The following RIF1 variants were observed in gnomAD, a reference collection of about 807,000 sequenced individuals.
RIF1 encodes replication timing regulatory factor 1, also known as telomere-associated protein RIF1.
In RIF1, 45 loss-of-function variants were observed where a neutral mutation model predicts 247.1. The ratio of observed to expected loss-of-function variants is 0.18; its 90% CI spans 0.14 to 0.23. The LOEUF (loss-of-function observed/expected upper bound fraction) is 0.23, where lower values mean the gene tolerates loss of function less well. Among genes scored for constraint, RIF1 ranks in the 10% least tolerant of loss-of-function variants. The pLI is 1.00. For missense variants in RIF1, 2,967 were observed against 2,862.5 expected, an observed-to-expected ratio of 1.04 and a Z score of -0.83; for synonymous variants, 1,087 against 978.8, an observed-to-expected ratio of 1.11 and a Z score of -2.06.
chr2:151,412,651 G>C (rs551969531), intron 3 of RIF1, among the ~76,000 whole-genome samples: 61 of 151,950 alleles, frequency 4.0e-4, no homozygotes, highest in Non-Finnish European at 7.2e-4. Flanking sequence ...ACCACACCCA[G>C]CTAATATTTT....
chr2:151,449,704 T>G (rs567447033), intron 20 of RIF1, among the ~76,000 whole-genome samples: 1 of 152,248 alleles, frequency 6.6e-6, no homozygotes, highest in Admixed American at 6.5e-5. Context: ...GTAGTTTTAT[T>G]TTATTGATCA....
rs138147981 is a variant in RIF1, at chr2:151,442,048, T to TTTTTGTTTTATTTTA, written c.1734+61_1734+62insGTTTTATTTTATTTT. On this transcript the variant is annotated intron_variant, in intron 16 of 35. Coordinates refer to ENST00000444746, the MANE Select transcript of RIF1 (RefSeq NM_018151.5). ...TGGCCAAAAACATTTATACTTCCCTTTTTTATTTTATTTTATTTTATTTTA... is the reference window on the plus strand; with the variant it reads ...TGGCCAAAAACATTTATACTTCCCTTTTTTGTTTTATTTTATTTTATTTTATTTTATTTTATTTTA... 2.2e-4 allele frequency: 53 copies of TTTTTGTTTTATTTTA among 237,780 alleles called. 1 individual carries two copies. Among genetic ancestry groups the TTTTTGTTTTATTTTA allele is most frequent in the African/African-American group, 1.1e-3 (42 of 39,438 alleles). The allele number at this position is 237,780 out of a possible 1,614,324, so 14.7% of individuals were successfully genotyped here. A position where few individuals can be genotyped will look rare whatever the true frequency, so the allele number is the denominator to read the frequency against.
In RIF1 at chr2:151,490,490, C is replaced by T. The variant is rs2152778292; in HGVS notation, c.*416-4739C>T. The T allele has an allele frequency of 6.2e-7, 1 of 1,609,316 alleles. No homozygotes were observed. Among genetic ancestry groups the T allele is most frequent in the Non-Finnish European group, 8.5e-7 (1 of 1,177,904 alleles). ...TGCTTAGTGCACTGGCAGATCGTGA[C>T]TGCTCCCGGCTCCGGCGCTGAGCTT... On this transcript the variant is annotated intron_variant and NMD_transcript_variant, in intron 9 of 13. Transcript: ENST00000454583.
intron 9 of RIF1, among the ~76,000 whole-genome samples, chr2:151,488,936 T>C (rs1032941564): frequency 1.3e-5 from 2 of 152,044 alleles, no homozygotes; most frequent in Non-Finnish European, 2.9e-5. Context: ...CATATTTAAT[T>C]TTAATAGCTT....
intron 11 of RIF1, chr2:151,502,937 T>TAAGG: frequency 8.8e-7 from 1 of 1,133,672 alleles, no homozygotes; most frequent in Non-Finnish European, 1.3e-6. Flanking sequence ...GCACAGAGAG[T>TAAGG]AAGGAAGGAA....
At chr2:151,422,172 G>C (rs1027173535) in intron 7 of RIF1, among the ~76,000 whole-genome samples, 1 of 152,018 alleles carries the variant, frequency 6.6e-6, no homozygotes, top group African/African-American at 2.4e-5. Flanking sequence ...TTGCAACAAA[G>C]CATATATGAA....
At chr2:151,534,099 A>T in the RIF1 span, 1 of 776,182 alleles carries the variant, frequency 1.3e-6, no homozygotes, top group Non-Finnish European at 2.1e-6. Context: ...TTTGAAACAG[A>T]ACAACCCAAT....
chr2:151,410,095 C>G, intron 1 of RIF1, 62 bp downstream of exon 1: 1 of 696,622 alleles, frequency 1.4e-6, no homozygotes, highest in Non-Finnish European at 2.6e-6. Flanking sequence ...GCCCACCCTC[C>G]GCCCCCTCGC....
chr2:151,450,219 G>A (rs1694055563), intron 20 of RIF1, among the ~76,000 whole-genome samples: 1 of 151,908 alleles, frequency 6.6e-6, no homozygotes, highest in African/African-American at 2.4e-5. Flanking sequence ...ATTTTTTATG[G>A]ATATGTGTTG....
At chr2:151,531,673 C>A in the RIF1 span, 1 of 768,296 alleles carries the variant, frequency 1.3e-6, no homozygotes, top group Non-Finnish European at 2.3e-6. Flanking sequence ...TCTCGCACCC[C>A]TGCCTCCCTC....
rs1228520039 is a variant in RIF1, at chr2:151,479,052, G to T, written c.*3981G>T. The stretch of plus-strand genomic sequence containing the variant: ...TGAACAAGTGGATTCTGATTCAGTA[G>T]ATCTGCATTGGGCCCCGTGAGTCTT... On this transcript the variant is annotated 3_prime_UTR_variant, in exon 36 of 36. Coordinates refer to ENST00000444746, the MANE Select transcript of RIF1 (RefSeq NM_018151.5). 1.3e-5 allele frequency: 2 copies of T among 152,144 alleles called. No individual in the cohort carries two copies. Among genetic ancestry groups the T allele is most frequent in the South Asian group, 2.1e-4 (1 of 4,828 alleles). The allele number at this position is 152,144 out of a possible 1,614,324, so 9.4% of individuals were successfully genotyped here.
intron 16 of RIF1, among the ~76,000 whole-genome samples, chr2:151,442,862 C>T (rs919784431): frequency 1.4e-5 from 2 of 146,186 alleles, no homozygotes; most frequent in African/African-American, 2.5e-5. Flanking sequence ...ACCTAATTCT[C>T]CCGGTCTCAT....
In RIF1 at chr2:151,443,815, A is replaced by AT. The variant is rs543008408; in HGVS notation, c.1986+112dup. 5.5e-4 allele frequency: 358 copies of AT among 654,780 alleles called. 1 individual carries two copies. The African/African-American group carries it at 5.8e-3, about 11-fold the overall frequency. The allele number at this position is 654,780 out of a possible 1,614,324, so 40.6% of individuals were successfully genotyped here. A position where few individuals can be genotyped will look rare whatever the true frequency, so the allele number is the denominator to read the frequency against. On this transcript the variant is annotated intron_variant, in intron 18 of 35. Transcript: ENST00000444746. ...TGAATTTGAATAGAAGATGGTAAATATTTTTTCTGGTGGAATTGGTAAACG... is the reference window on the plus strand; with the variant it reads ...TGAATTTGAATAGAAGATGGTAAATATTTTTTTCTGGTGGAATTGGTAAACG...
At chr2:151,504,230 AT>A (rs576670286) in intron 12 of RIF1, among the ~76,000 whole-genome samples, 60 of 152,280 alleles carry the variant, frequency 3.9e-4, no homozygotes, top group African/African-American at 1.4e-3. Context: ...CCAGATTTTA[AT>A]TCTTAAAATC....
intron 9 of RIF1, chr2:151,490,101 T>A: frequency 2.6e-6 from 4 of 1,548,164 alleles, no homozygotes; most frequent in Non-Finnish European, 3.5e-6. Context: ...GGCAAATTCT[T>A]TATAAGAAGA....
At chr2:151,460,699 AAATAG>A (rs548907667) in intron 26 of RIF1, among the ~76,000 whole-genome samples, 84 of 152,322 alleles carry the variant, frequency 5.5e-4, no homozygotes, top group African/African-American at 1.9e-3. Flanking sequence ...TAGCAACTAT[AAATAG>A]AATTAAAGCA....
At chr2:151,449,152 C>T (rs1317580640) in intron 20 of RIF1, among the ~76,000 whole-genome samples, 1 of 152,146 alleles carries the variant, frequency 6.6e-6, no homozygotes, top group African/African-American at 2.4e-5. Flanking sequence ...CTCATACTTG[C>T]TTGTTGCTGA....
In RIF1 at chr2:151,459,982, T is replaced by G. The variant is rs1695874529; in HGVS notation, c.2956-18T>G. The G allele has an allele frequency of 2.0e-6, 3 of 1,510,914 alleles. No individual in the cohort carries two copies. Among genetic ancestry groups the G allele is most frequent in the Non-Finnish European group, 2.7e-6 (3 of 1,122,260 alleles). 93.6% of individuals were successfully genotyped at this position (1,510,914 alleles called of 1,614,324 possible). A position where few individuals can be genotyped will look rare whatever the true frequency, so the allele number is the denominator to read the frequency against. On this transcript the variant is annotated intron_variant, in intron 25 of 35. Coordinates refer to ENST00000444746, the MANE Select transcript of RIF1 (RefSeq NM_018151.5). ...TACCGTTCTATTTAATGAAATTGTT[T>G]CATTTTTAATAAAACAGACAGAAAA...
chr2:151,492,983 C>G (rs1365733454), intron 9 of RIF1: 8 of 219,978 alleles, frequency 3.6e-5, no homozygotes, highest in Admixed American at 5.5e-5. Flanking sequence ...CAGAGTATTA[C>G]CCATGTCATA....
Sources: gnomAD v4.1 joint callset for allele counts (sites outside exome capture counted in the v4.1 genomes callset) on GRCh38, gnomAD v4.1.1 for gene constraint, MANE v1.5 for transcripts, NCBI Gene and HGNC (gene_info 2026-07-23, HGNC 2026-07-21) for gene names.